The following PGAM1 variants were observed in gnomAD, a reference collection of about 807,000 sequenced individuals.
PGAM1 encodes the protein phosphoglycerate mutase 1.
Under a neutral mutation model 23.5 loss-of-function variants are expected in PGAM1, and 21 were observed. The observed-to-expected ratio is 0.89, with a 90% confidence interval of 0.63 to 1.29. The LOEUF (loss-of-function observed/expected upper bound fraction) is 1.29, where lower values mean the gene tolerates loss of function less well. Among genes scored for constraint, PGAM1 ranks in the 50% most tolerant of loss-of-function variants. The pLI, the probability that PGAM1 is intolerant of heterozygous loss-of-function variation, is 0.00. For synonymous variants in PGAM1, 109 were observed against 128.6 expected, an observed-to-expected ratio of 0.85 and a Z score of 1.03; for missense variants, 232 against 336.3, an observed-to-expected ratio of 0.69 and a Z score of 2.42.
chr10:97,426,331 G>C lies in PGAM1; in HGVS notation c.24G>C (p.Leu8=), dbSNP rs1240808460. MAAYKLV[L]IRHGESAWNL... ...CCATGGCCGCCTACAAACTGGTGCT[G>C]ATCCGGCACGGCGAGAGCGCATGGA... Residue 8 remains leucine (L), a synonymous_variant, in exon 1 of 4, where the codon CTG becomes CTC. Transcript: ENST00000334828. 2 of 1,610,532 alleles carry C rather than the reference G, an allele frequency of 1.2e-6. No homozygotes were observed. The highest frequency in any genetic ancestry group is 1.7e-5 in the Admixed American group (1 of 59,938).
intron 1 of PGAM1, among the ~76,000 whole-genome samples, 158 bp downstream of exon 1, chr10:97,426,604 G>A (rs2133129139): frequency 6.6e-6 from 1 of 152,386 alleles, no homozygotes; most frequent in East Asian, 1.9e-4. Flanking sequence ...AGAGGGTAGA[G>A]TCTACTTGTT....
chr10:97,431,227 C>A, intron 3 of PGAM1, 92 bp downstream of exon 3: 1 of 1,444,036 alleles, frequency 6.9e-7, no homozygotes, highest in Non-Finnish European at 9.7e-7. Context: ...TAGGGAAGGG[C>A]TGGACATGTT....
chr10:97,430,586 G>A lies in PGAM1; in HGVS notation c.347G>A (p.Arg116Lys). The change falls in exon 2 of 4, where the codon AGG becomes AAG. Residue 116 changes from arginine (R) to lysine (K), a missense_variant. Physicochemically the swap from Arg to Lys is conservative, Grantham distance 26 (BLOSUM62 2). Coordinates refer to ENST00000334828, the MANE Select transcript of PGAM1 (RefSeq NM_002629.4). ...KHGEAQVKIWRRSYDVPPPPM... is the reference protein window; with the variant it reads ...KHGEAQVKIWKRSYDVPPPPM... ...GGTGAGGCCCAGGTGAAGATCTGGAGGCGCTCCTATGATGTCCCACCACCT... is the reference window on the plus strand; with the variant it reads ...GGTGAGGCCCAGGTGAAGATCTGGAAGCGCTCCTATGATGTCCCACCACCT... 6.2e-7 allele frequency: 1 copy of A among 1,601,610 alleles called. No homozygotes were observed. The highest frequency in any genetic ancestry group is 8.5e-7 in the Non-Finnish European group (1 of 1,179,926).
chr10:97,429,134 C>G (rs1212083764), intron 1 of PGAM1, among the ~76,000 whole-genome samples: 1 of 129,166 alleles, frequency 7.7e-6, no homozygotes, highest in African/African-American at 3.0e-5. Context: ...GACAGAGTCT[C>G]GCTCTATCGC....
intron 1 of PGAM1, chr10:97,427,841 C>A: frequency 7.8e-7 from 1 of 1,289,376 alleles, no homozygotes; most frequent in Non-Finnish European, 1.0e-6. Context: ...ATTGATGAGG[C>A]ACAGGTATTT....
chr10:97,432,285 G>A, intron 3 of PGAM1, 70 bp from the exon 4 acceptor site: 1 of 1,597,266 alleles, frequency 6.3e-7, no homozygotes, highest in Non-Finnish European at 8.6e-7. Context: ...ATCACCTGGA[G>A]GACAAAGTAA....
chr10:97,430,978 A>G lies in PGAM1; in HGVS notation c.438A>G (p.Thr146=), dbSNP rs766157831. The G allele has an allele frequency of 4.2e-5, 67 of 1,613,864 alleles. No individual in the cohort carries two copies. The highest frequency in any genetic ancestry group is 6.7e-5 in the Admixed American group (4 of 59,992). Reference sequence around the variant, plus strand: ...AGGATCGCAGGTATGCAGACCTCACAGAAGATCAGCTACCCTCCTGTGAGA... The same window carrying G: ...AGGATCGCAGGTATGCAGACCTCACGGAAGATCAGCTACCCTCCTGTGAGA... ...ISKDRRYADL[T]EDQLPSCESL... The change falls in exon 3 of 4, where the codon ACA becomes ACG. Residue 146 remains threonine (T), a synonymous_variant. Coordinates refer to ENST00000334828, the MANE Select transcript of PGAM1 (RefSeq NM_002629.4).
At chr10:97,427,896 C>T in intron 1 of PGAM1, 6 of 1,289,218 alleles carry the variant, frequency 4.7e-6, no homozygotes, top group Non-Finnish European at 6.1e-6. Context: ...CTGTACCATC[C>T]TTCTCAAATG....
At chr10:97,431,177 G>C in intron 3 of PGAM1, 42 bp downstream of exon 3, 1 of 1,611,256 alleles carries the variant, frequency 6.2e-7, no homozygotes, top group Non-Finnish European at 8.5e-7. Context: ...GAAGGATAAA[G>C]CAGAACTGCC....
rs142812062 is a variant in PGAM1, at chr10:97,430,682, C to T, written c.414+29C>T. On this transcript the variant is annotated intron_variant, in intron 2 of 3. Coordinates refer to ENST00000334828, the MANE Select transcript of PGAM1 (RefSeq NM_002629.4). ...TGGACAAACAGAGGTTTGGTCACTC[C>T]GCCCAGGATCAGGGGCTTTTAGTAG... 1.2e-4 allele frequency: 196 copies of T among 1,602,192 alleles called. 1 individual carries two copies. The East Asian group carries it at 3.9e-3, about 32-fold the overall frequency.
intron 1 of PGAM1, chr10:97,427,764 G>A (rs139727836): frequency 7.0e-6 from 9 of 1,286,588 alleles, no homozygotes; most frequent in Non-Finnish European, 9.1e-6. Flanking sequence ...TTCCGCTGAT[G>A]ATAGGGGCAG....
rs772835150 is a variant in PGAM1 at position 97,432,440 on chromosome 10, C to T, written c.681C>T (p.Ile227=). 16 of 1,610,716 alleles carry T rather than the reference C, an allele frequency of 9.9e-6. No homozygotes were observed. The highest frequency in any genetic ancestry group is 1.4e-5 in the Non-Finnish European group (16 of 1,179,020). The change falls in exon 4 of 4, where the codon ATC becomes ATT. Residue 227 remains isoleucine, a synonymous_variant. Transcript: ENST00000334828. ...VYELDKNLKP[I]KPMQFLGDEE... ...AATTGGACAAGAACTTGAAGCCTAT[C>T]AAGCCCATGCAGTTTCTGGGGGATG... is the stretch of plus-strand genomic sequence containing the variant.
intron 1 of PGAM1, chr10:97,427,679 T>C: frequency 2.5e-6 from 3 of 1,212,638 alleles, no homozygotes; most frequent in Non-Finnish European, 3.2e-6. Context: ...GTCTGCTCTT[T>C]GTGGTGTTGG....
At chr10:97,427,777 C>T (rs974312550) in intron 1 of PGAM1, 17 of 1,288,448 alleles carry the variant, frequency 1.3e-5, no homozygotes, top group Middle Eastern at 2.1e-4. Context: ...AGGGGCAGAT[C>T]CTCCTTTGCT....
At chr10:97,426,595 G>A in intron 1 of PGAM1, 149 bp downstream of exon 1, 1 of 1,102,734 alleles carries the variant, frequency 9.1e-7, no homozygotes, top group Non-Finnish European at 1.2e-6. Context: ...GATGAGTGCA[G>A]AGGGTAGAGT....
At chr10:97,430,243 A>C in intron 1 of PGAM1, 136 bp from the exon 2 acceptor site, 2 of 1,081,852 alleles carry the variant, frequency 1.8e-6, no homozygotes, top group Non-Finnish European at 2.8e-6. Flanking sequence ...AAGGATAAAC[A>C]AAACAGTTGG....
chr10:97,426,252 G>T lies in PGAM1; in HGVS notation c.-56G>T. 2.5e-6 allele frequency: 4 copies of T among 1,609,048 alleles called. No homozygotes were observed. The highest frequency in any genetic ancestry group is 3.4e-6 in the Non-Finnish European group (4 of 1,178,678). On this transcript the variant is annotated 5_prime_UTR_variant, in exon 1 of 4. Coordinates refer to ENST00000334828, the MANE Select transcript of PGAM1 (RefSeq NM_002629.4). ...CGCGCAGGCGCGGCCGACGGGGCGG[G>T]CTGCTACTCCGGAATCTGCTAATCC... is the stretch of plus-strand genomic sequence containing the variant.
chr10:97,427,305 C>A, intron 1 of PGAM1: 1 of 986,400 alleles, frequency 1.0e-6, no homozygotes, highest in Non-Finnish European at 1.2e-6. Flanking sequence ...ACCAAGAAAT[C>A]CGCGTGGTTG....
intron 3 of PGAM1, among the ~76,000 whole-genome samples, chr10:97,431,802 C>T (rs1042534066): frequency 4.0e-5 from 6 of 151,716 alleles, no homozygotes; most frequent in Admixed American, 1.3e-4. Context: ...GGCGGGAGAT[C>T]GCTTGAGCCC....
Sources: gnomAD v4.1 joint callset for allele counts (sites outside exome capture counted in the v4.1 genomes callset) on GRCh38, gnomAD v4.1.1 for gene constraint, MANE v1.5 for transcripts, NCBI Gene and HGNC (gene_info 2026-07-23, HGNC 2026-07-21) for gene names.